The following AHRR variants were observed in gnomAD, a reference collection of about 807,000 sequenced individuals.
AHRR encodes aryl hydrocarbon receptor repressor, also known as ahR repressor.
AHRR carries 28 observed loss-of-function variants against 44.0 expected under a neutral mutation model. The ratio of observed to expected loss-of-function variants is 0.64; its 90% CI spans 0.47 to 0.87. AHRR has a LOEUF of 0.87. AHRR is among the 40% of genes least tolerant of loss of function. The probability of loss-of-function intolerance (pLI) is 0.00; values close to 1 mark genes in which losing one functional copy is unlikely to be tolerated. For missense variants in AHRR, 990 were observed against 953.9 expected, an observed-to-expected ratio of 1.04 and a Z score of -0.50; for synonymous variants, 434 against 407.0, an observed-to-expected ratio of 1.07 and a Z score of -0.80.
intron 1 of AHRR, among the ~76,000 whole-genome samples, chr5:339,608 T>G (rs1742263193): frequency 6.6e-6 from 1 of 152,196 alleles, no homozygotes; most frequent in African/African-American, 2.4e-5. Context: ...CAGCTTTGCC[T>G]TGTTCATGGT....
At chr5:433,762 AT>A in intron 10 of AHRR, 90 bp from the exon 11 acceptor site, 1 of 1,343,218 alleles carries the variant, frequency 7.4e-7, no homozygotes, top group South Asian at 1.9e-5. Context: ...CATCGTCCTG[AT>A]TTCGTAGCCT....
Position 324,028 on chromosome 5 carries a change from TCTCTCTCTGTCTC to T in AHRR, c.-11+2210_-11+2222del, listed in dbSNP as rs1560874488. Among the ~76,000 whole-genome samples, 7 of 145,492 alleles carry T rather than the reference TCTCTCTCTGTCTC, an allele frequency of 4.8e-5. No homozygotes were observed. In the South Asian group the frequency reaches 6.2e-4, roughly 13 times the overall value. On this transcript the variant is annotated intron_variant, in intron 1 of 10. Coordinates refer to ENST00000684583, the MANE Select transcript of AHRR (RefSeq NM_001377236.1). ...TTCTCTTTCTTTCTTTCTTTCTCTC[TCTCTCTCTGTCTC>T]TCTTTCTCTCTCTCTCTCTTTCTTT...
At chr5:378,449 C>T (rs1015090298) in intron 4 of AHRR, among the ~76,000 whole-genome samples, 60 of 152,332 alleles carry the variant, frequency 3.9e-4, no homozygotes, top group African/African-American at 1.4e-3. Flanking sequence ...TCCACACGTT[C>T]AGAGAGGCTT....
intron 6 of AHRR, among the ~76,000 whole-genome samples, chr5:423,396 C>A (rs1560921013): frequency 6.6e-6 from 1 of 152,190 alleles, no homozygotes; most frequent in Non-Finnish European, 1.5e-5. Flanking sequence ...GGGGGCTGTG[C>A]TGGGACAGTT....
Position 342,532 on chromosome 5 carries a change from C to T in AHRR, c.-10-1361C>T, listed in dbSNP as rs149109180. 4.6e-5 allele frequency among the ~76,000 whole-genome samples: 7 copies of T among 152,288 alleles called. No individual in the cohort carries two copies. The highest frequency in any genetic ancestry group is 5.9e-5 in the Non-Finnish European group (4 of 68,026). ...TTTTTCTATCCATTTACTTTATCTA[C>T]CTAAGTCTTTACAGTCCAAGTGGAT... On this transcript the variant is annotated intron_variant, in intron 1 of 10. Coordinates refer to ENST00000684583, the MANE Select transcript of AHRR (RefSeq NM_001377236.1). The surrounding 1 kb of genome is among the most constrained non-coding windows in gnomAD (Gnocchi z 4.3).
chr5:344,161 C>A (rs1037512127), intron 2 of AHRR, among the ~76,000 whole-genome samples, 197 bp downstream of exon 2: 1 of 151,146 alleles, frequency 6.6e-6, no homozygotes, highest in Non-Finnish European at 1.5e-5. Context: ...GAGCCCCCGG[C>A]GAGGCTCGTC....
In AHRR at chr5:370,874, G is replaced by A. The variant is rs1013534822; in HGVS notation, c.245-5736G>A. Among the ~76,000 whole-genome samples the A allele has an allele frequency of 7.2e-5, 11 of 152,214 alleles. No individual in the cohort carries two copies. The highest frequency in any genetic ancestry group is 1.5e-4 in the Non-Finnish European group (10 of 68,022). On this transcript the variant is annotated intron_variant, in intron 3 of 10. Coordinates refer to ENST00000684583, the MANE Select transcript of AHRR (RefSeq NM_001377236.1). The surrounding 1 kb of genome is among the most constrained non-coding windows in gnomAD (Gnocchi z 4.5). ...CCTTGGAGGCACCCAGAGCACAGAGGCTGGGCCTGGTGTGGAGCTCTCGGC... is the reference window on the plus strand; with the variant it reads ...CCTTGGAGGCACCCAGAGCACAGAGACTGGGCCTGGTGTGGAGCTCTCGGC...
chr5:390,533 C>T (rs574707867), intron 4 of AHRR, among the ~76,000 whole-genome samples: 37 of 152,192 alleles, frequency 2.4e-4, no homozygotes, highest in African/African-American at 8.2e-4. Context: ...TTGACGTTAA[C>T]GCTGAAGAGG....
At chr5:396,876 T>G (rs1356700900) in intron 4 of AHRR, among the ~76,000 whole-genome samples, 3 of 145,168 alleles carry the variant, frequency 2.1e-5, no homozygotes, top group Admixed American at 7.1e-5. Context: ...TGGGTCAGAG[T>G]GCCCGGCTCC....
At chr5:324,046 T>C (rs1042350201) in intron 1 of AHRR, among the ~76,000 whole-genome samples, 1 of 144,582 alleles carries the variant, frequency 6.9e-6, no homozygotes, top group African/African-American at 2.9e-5. Context: ...TGTCTCTCTT[T>C]CTCTCTCTCT....
intron 3 of AHRR, among the ~76,000 whole-genome samples, chr5:373,860 G>A (rs1743669854): frequency 6.6e-6 from 1 of 150,580 alleles, no homozygotes; most frequent in Admixed American, 6.6e-5. Context: ...GCGGGGGCGG[G>A]AGCGCTGCTC....
At chr5:361,326 C>G (rs1161556794) in intron 3 of AHRR, among the ~76,000 whole-genome samples, 3 of 152,226 alleles carry the variant, frequency 2.0e-5, no homozygotes, top group Non-Finnish European at 4.4e-5. Context: ...AGGAGCCCAG[C>G]CGGGAAGCCT....
chr5:397,545 C>T (rs1734785067), intron 4 of AHRR, among the ~76,000 whole-genome samples: 2 of 76,978 alleles, frequency 2.6e-5, no homozygotes, highest in Admixed American at 2.2e-4. Context: ...CCTGACCGTC[C>T]ATGTTAGCCC....
intron 4 of AHRR, among the ~76,000 whole-genome samples, chr5:397,754 C>G (rs1734801485): frequency 7.7e-6 from 1 of 130,472 alleles, no homozygotes; most frequent in Non-Finnish European, 1.6e-5. Flanking sequence ...CCTGACCGTC[C>G]ATGTTAGCCC....
At chr5:402,615 T>G (rs1375513041) in intron 4 of AHRR, among the ~76,000 whole-genome samples, 3 of 151,402 alleles carry the variant, frequency 2.0e-5, no homozygotes, top group Non-Finnish European at 4.4e-5. Flanking sequence ...TGGAGCTTCC[T>G]CAAAAAATTC....
chr5:434,185 A>G lies in AHRR; in HGVS notation c.1445A>G (p.His482Arg). ...GACCAGGTGCACCCTCCCCTCTGCC[A>G]CTTTCCCCAGAGGAGCCTGCAGCAC... ...GEDQVHPPLC[H>R]FPQRSLQHQL... The change falls in exon 11 of 11, where the codon CAC becomes CGC. Residue 482 changes from histidine to arginine, a missense_variant. His to Arg is a conservative substitution (Grantham distance 29). Transcript: ENST00000684583. The G allele has an allele frequency of 6.3e-7, 1 of 1,595,386 alleles. No homozygotes were observed. Among genetic ancestry groups the G allele is most frequent in the Non-Finnish European group, 8.5e-7 (1 of 1,171,002 alleles).
chr5:342,769 G>A lies in AHRR; in HGVS notation c.-10-1124G>A, dbSNP rs1742389372. Among the ~76,000 whole-genome samples the A allele has an allele frequency of 6.6e-6, 1 of 152,244 alleles. No individual in the cohort carries two copies. Among genetic ancestry groups the A allele is most frequent in the Non-Finnish European group, 1.5e-5 (1 of 68,048 alleles). ...AGGGCTCAGCTGCACCCATTGCAAGGAAAATCAAGATTCTGTGAGAAGAAG... is the reference window on the plus strand; with the variant it reads ...AGGGCTCAGCTGCACCCATTGCAAGAAAAATCAAGATTCTGTGAGAAGAAG... On this transcript the variant is annotated intron_variant, in intron 1 of 10. Transcript: ENST00000684583. The surrounding 1 kb of genome is among the most constrained non-coding windows in gnomAD (Gnocchi z 4.3).
At position 370,604 on chromosome 5, in the gene AHRR, T is replaced by C. The variant is rs1325781907; in HGVS notation, c.245-6006T>C. ...CCATAGGGGACAGCCCCCAGGAAGA[T>C]GCAGGTGACAGGGGTGGGGTGGACA... On this transcript the variant is annotated intron_variant, in intron 3 of 10. Transcript: ENST00000684583. This position sits in a 1 kb window ranked among gnomAD's most constrained non-coding sequence, Gnocchi z 4.5. Among the ~76,000 whole-genome samples the C allele has an allele frequency of 1.3e-5, 2 of 151,758 alleles. No homozygotes were observed. The highest frequency in any genetic ancestry group is 4.8e-5 in the African/African-American group (2 of 41,264).
intron 3 of AHRR, among the ~76,000 whole-genome samples, chr5:360,783 G>A (rs377336199): frequency 1.1e-4 from 16 of 152,202 alleles, no homozygotes; most frequent in Non-Finnish European, 1.5e-4. Context: ...ACTTGCAAGT[G>A]ATGAAATGGG....
Sources: gnomAD v4.1 joint callset for allele counts (sites outside exome capture counted in the v4.1 genomes callset) on GRCh38, gnomAD v4.1.1 for gene constraint, Gnocchi (gnomAD v3.1) non-coding constraint, MANE v1.5 for transcripts, NCBI Gene and HGNC (gene_info 2026-07-23, HGNC 2026-07-21) for gene names.